The following CIT variants were observed in gnomAD, a reference collection of about 807,000 sequenced individuals.
CIT encodes the protein citron rho-interacting serine/threonine kinase, also known as citron Rho-interacting kinase.
In CIT, 79 loss-of-function variants were observed where a neutral mutation model predicts 272.7. The observed-to-expected ratio is 0.29, with a 90% CI of 0.24 to 0.35. The LOEUF is 0.35. Among genes scored for constraint, CIT ranks in the 10% least tolerant of loss-of-function variants. The pLI is 1.00. For missense variants in CIT, 1,909 were observed against 2,618.3 expected, an observed-to-expected ratio of 0.73 and a Z score of 5.91; for synonymous variants, 948 against 995.6, an observed-to-expected ratio of 0.95 and a Z score of 0.90.
intron 46 of CIT, among the ~76,000 whole-genome samples, chr12:119,692,922 G>A (rs187849345): frequency 2.8e-3 from 425 of 152,246 alleles, no homozygotes; most frequent in Non-Finnish European, 4.6e-3. Flanking sequence ...TGAAATCAAG[G>A]TTTATATTCA....
intron 7 of CIT, among the ~76,000 whole-genome samples, chr12:119,827,020 T>C (rs1968224855): frequency 6.6e-6 from 1 of 152,102 alleles, no homozygotes; most frequent in Admixed American, 6.6e-5. Flanking sequence ...TTCCCTCTCC[T>C]CTCTTTTTAC....
chr12:119,731,996 C>A (rs1204050565), intron 26 of CIT, among the ~76,000 whole-genome samples: 1 of 151,736 alleles, frequency 6.6e-6, no homozygotes, highest in East Asian at 1.9e-4. Flanking sequence ...CCACCAAACC[C>A]GGCTAATTTT....
intron 28 of CIT, among the ~76,000 whole-genome samples, chr12:119,725,469 C>T (rs117076788): frequency 0.014 from 2,135 of 152,192 alleles, 32 homozygotes; most frequent in Admixed American, 0.024. Context: ...TCCGCACCTA[C>T]GAAGAGGATA....
At chr12:119,826,213 C>G (rs1349981495) in intron 7 of CIT, among the ~76,000 whole-genome samples, 2 of 152,068 alleles carry the variant, frequency 1.3e-5, no homozygotes, top group East Asian at 3.8e-4. Context: ...TAACTTCCAC[C>G]CAGGGCCCAA....
At chr12:119,785,360 A>G (rs1964688320) in intron 10 of CIT, among the ~76,000 whole-genome samples, 1 of 152,198 alleles carries the variant, frequency 6.6e-6, no homozygotes, top group Non-Finnish European at 1.5e-5. Context: ...AAGGATCCTT[A>G]TAAGATGGAA....
At chr12:119,740,654 A>C (rs79143062) in intron 24 of CIT, among the ~76,000 whole-genome samples, 8,235 of 152,262 alleles carry the variant, frequency 0.054, 341 homozygotes, top group African/African-American at 0.11. Context: ...AAGCTTATAT[A>C]AGGAAAAAAT....
chr12:119,801,363 C>T (rs1012840696), intron 10 of CIT, among the ~76,000 whole-genome samples: 41 of 152,312 alleles, frequency 2.7e-4, no homozygotes, highest in African/African-American at 8.9e-4. Context: ...CTAAACTGAG[C>T]TTTCTGTGAG....
At chr12:119,759,420 T>C (rs1264477459) in intron 20 of CIT, among the ~76,000 whole-genome samples, 1 of 152,016 alleles carries the variant, frequency 6.6e-6, no homozygotes, top group Non-Finnish European at 1.5e-5. Flanking sequence ...CCAAGGCAGG[T>C]GGGTCACCTG....
chr12:119,782,397 C>A (rs1964379203), intron 13 of CIT, 121 bp downstream of exon 13: 5 of 1,145,974 alleles, frequency 4.4e-6, no homozygotes, highest in Non-Finnish European at 5.0e-6. Flanking sequence ...CTCTCTTCCA[C>A]TCTGCCCCCA....
At position 119,697,913 on chromosome 12, in the gene CIT, C is replaced by A. The variant is rs1316102665; in HGVS notation, c.5702+63G>T. ...GCTAGGCAAGTTAGGAAGGAACATG[C>A]GGCCGGCCCCAACACCTACCCCAAT... On this transcript the variant is annotated intron_variant, in intron 45 of 47. Coordinates refer to ENST00000392521, the MANE Select transcript of CIT (RefSeq NM_001206999.2). This position sits in a 1 kb window ranked among gnomAD's most constrained non-coding sequence, Gnocchi z 4.9. 1 of 1,612,352 alleles carries A rather than the reference C, an allele frequency of 6.2e-7. No homozygotes were observed. Among genetic ancestry groups the A allele is most frequent in the Non-Finnish European group, 8.5e-7 (1 of 1,178,478 alleles).
At chr12:119,828,989 G>C (rs576389871) in intron 7 of CIT, among the ~76,000 whole-genome samples, 14 of 95,612 alleles carry the variant, frequency 1.5e-4, no homozygotes, top group Admixed American at 1.1e-3. Context: ...AGAAGGAAAA[G>C]AAAGGAAGGA....
At chr12:119,717,815 G>C (rs1436231289) in intron 32 of CIT, among the ~76,000 whole-genome samples, 3 of 136,104 alleles carry the variant, frequency 2.2e-5, no homozygotes, top group Non-Finnish European at 4.8e-5. Context: ...CTGAGGATGG[G>C]GAGCCAGGAG....
In CIT at chr12:119,710,887, C is replaced by A; in HGVS notation, c.4855-267G>T. 1 of 624,452 alleles carries A rather than the reference C, an allele frequency of 1.6e-6. No homozygotes were observed. The highest frequency in any genetic ancestry group is 2.6e-6 in the Non-Finnish European group (1 of 380,636). 38.7% of individuals were successfully genotyped at this position (624,452 alleles called of 1,614,324 possible). On this transcript the variant is annotated intron_variant, in intron 37 of 47. Coordinates refer to ENST00000392521, the MANE Select transcript of CIT (RefSeq NM_001206999.2). This position sits in a 1 kb window ranked among gnomAD's most constrained non-coding sequence, Gnocchi z 5.6. ...TGCAGAAATAAGGGAGGGTAGTAGA[C>A]ATGGAAAGCTATTCTGTAATAAGAA...
Position 119,818,777 on chromosome 12 carries a change from G to C in CIT, c.1111+4043C>G, listed in dbSNP as rs549076430. Reference sequence around the variant, plus strand: ...CATAATGTCCTAGGAAATAATCCGTGATCACCACTTCCATTATGCATTTCT... The same window carrying C: ...CATAATGTCCTAGGAAATAATCCGTCATCACCACTTCCATTATGCATTTCT... On this transcript the variant is annotated intron_variant, in intron 9 of 47. Transcript: ENST00000392521. Among the ~76,000 whole-genome samples, 11 of 152,292 alleles carry C rather than the reference G, an allele frequency of 7.2e-5. No individual in the cohort carries two copies. The South Asian group carries it at 2.3e-3, about 32-fold the overall frequency.
intron 26 of CIT, among the ~76,000 whole-genome samples, chr12:119,731,505 G>GTGAAACT (rs1958441440): frequency 2.0e-5 from 3 of 148,228 alleles, no homozygotes; most frequent in Admixed American, 2.0e-4. Flanking sequence ...AAAAACAAAA[G>GTGAAACT]TGAAACTTGA....
rs1016051094 is a variant in CIT at position 119,804,346 on chromosome 12, C to A, written c.1112-957G>T. The A allele has an allele frequency of 9.5e-5, 94 of 985,516 alleles. No individual in the cohort carries two copies. Among genetic ancestry groups the A allele is most frequent in the Non-Finnish European group, 1.1e-4 (91 of 830,058 alleles). 61.0% of individuals were successfully genotyped at this position (985,516 alleles called of 1,614,324 possible). On this transcript the variant is annotated intron_variant, in intron 9 of 47. Coordinates refer to ENST00000392521, the MANE Select transcript of CIT (RefSeq NM_001206999.2). This position sits in a 1 kb window ranked among gnomAD's most constrained non-coding sequence, Gnocchi z 5.3. ...TTACCATGGTTGCAAGCTGAGGCGT[C>A]CGTGGCGGGCCAGCCAGGCGAGTTA...
rs779947374 is a variant in CIT at position 119,876,053 on chromosome 12, T to G, written c.96+20A>C. 35 of 1,554,548 alleles carry G rather than the reference T, an allele frequency of 2.3e-5. No homozygotes were observed. The highest frequency in any genetic ancestry group is 5.1e-5 in the Admixed American group (3 of 58,498). Reference sequence around the variant, plus strand: ...CAAGGACACACACAGGTGAGCAAAGTTGGCAGGGTAGGCTGTTACCTGGAA... The same window carrying G: ...CAAGGACACACACAGGTGAGCAAAGGTGGCAGGGTAGGCTGTTACCTGGAA... On this transcript the variant is annotated intron_variant, in intron 2 of 47. Coordinates refer to ENST00000392521, the MANE Select transcript of CIT (RefSeq NM_001206999.2).
Position 119,714,280 on chromosome 12 carries a change from T to C in CIT, c.4223A>G (p.Asn1408Ser). Reference protein sequence around the residue: ...RMHHNIPHRFNVGLNMRATKC... With the variant: ...RMHHNIPHRFSVGLNMRATKC... Reference sequence around the variant, plus strand: ...TGTGGCTCGCATGTTCAGTCCTACGTTGAATCGGTGAGGAATATTGTGGTG... The same window carrying C: ...TGTGGCTCGCATGTTCAGTCCTACGCTGAATCGGTGAGGAATATTGTGGTG... Residue 1408 changes from asparagine (N) to serine (S), a missense_variant, in exon 33 of 48, where the codon AAC (asparagine) becomes AGC (serine). Coordinates refer to ENST00000392521, the MANE Select transcript of CIT (RefSeq NM_001206999.2). 1 of 1,614,092 alleles carries C rather than the reference T, an allele frequency of 6.2e-7. No individual in the cohort carries two copies. The highest frequency in any genetic ancestry group is 8.5e-7 in the Non-Finnish European group (1 of 1,180,022).
At chr12:119,789,366 A>G (rs887584680) in intron 10 of CIT, among the ~76,000 whole-genome samples, 1 of 152,232 alleles carries the variant, frequency 6.6e-6, no homozygotes, top group African/African-American at 2.4e-5. Flanking sequence ...CTCTTTGAGT[A>G]AGAACCCAAT....
Sources: gnomAD v4.1 joint callset for allele counts (sites outside exome capture counted in the v4.1 genomes callset) on GRCh38, gnomAD v4.1.1 for gene constraint, Gnocchi (gnomAD v3.1) non-coding constraint, MANE v1.5 for transcripts, NCBI Gene and HGNC (gene_info 2026-07-23, HGNC 2026-07-21) for gene names.